The following PDZD7 variants were observed in gnomAD, a reference collection of about 807,000 sequenced individuals.
PDZD7 encodes the protein PDZ domain-containing protein 7.
In PDZD7, 72 loss-of-function variants were observed where a neutral mutation model predicts 84.7. The observed-to-expected ratio is 0.85, with a 90% confidence interval of 0.70 to 1.03. PDZD7 has a LOEUF of 1.03. Among genes scored for constraint, PDZD7 ranks in the 50% least tolerant of loss-of-function variants. The probability of loss-of-function intolerance (pLI) is 0.00; values close to 1 mark genes in which losing one functional copy is unlikely to be tolerated. For synonymous variants in PDZD7, 594 were observed against 580.7 expected (o/e 1.02, Z -0.33); for missense variants, 1,490 against 1,412.9 (o/e 1.05, Z -0.87).
chr10:101,010,120 C>T (rs1564822087), intron 15 of PDZD7, among the ~76,000 whole-genome samples, 152 bp downstream of exon 15: 1 of 152,222 alleles, frequency 6.6e-6, no homozygotes, highest in African/African-American at 2.4e-5. Flanking sequence ...GTCTTGACCT[C>T]CTGACCTCAA....
In PDZD7 at chr10:101,009,260, C is replaced by T; in HGVS notation, c.2708G>A (p.Gly903Glu). ...GCATGCTTCACCCACCTGCAGGGCC[C>T]CACTGAGGAAAGCGGCCCCCCCAGG... ...IFPGGAAFLS[G>E]ALQAGFELVA... Residue 903 changes from glycine (G) to glutamate (E), a missense_variant, in exon 16 of 17, where the codon GGG (glycine) becomes GAG (glutamate). Coordinates refer to ENST00000619208, the MANE Select transcript of PDZD7 (RefSeq NM_001195263.2). The T allele has an allele frequency of 6.5e-7, 1 of 1,535,808 alleles. No homozygotes were observed. Among genetic ancestry groups the T allele is most frequent in the Non-Finnish European group, 8.7e-7 (1 of 1,146,656 alleles).
intron 2 of PDZD7, among the ~76,000 whole-genome samples, chr10:101,027,460 G>C (rs1309176424): frequency 6.6e-6 from 1 of 152,146 alleles, no homozygotes; most frequent in African/African-American, 2.4e-5. Flanking sequence ...CTTCCTCCCA[G>C]TGAGTACCTC....
intron 16 of PDZD7, 148 bp from the exon 17 acceptor site, chr10:101,008,998 C>T: frequency 9.0e-7 from 1 of 1,112,010 alleles, no homozygotes. Flanking sequence ...ACTTTTGTGC[C>T]TGCAGTTGTT....
intron 15 of PDZD7, among the ~76,000 whole-genome samples, chr10:101,009,593 CAG>C (rs1358955058): frequency 2.1e-5 from 3 of 140,562 alleles, no homozygotes; most frequent in African/African-American, 7.7e-5. Context: ...TTTTTTGAGA[CAG>C]AGTCTTTTTT....
chr10:101,029,849 G>A, intron 2 of PDZD7, 145 bp downstream of exon 2: 1 of 808,996 alleles, frequency 1.2e-6, no homozygotes, highest in Non-Finnish European at 2.0e-6. Flanking sequence ...GAGTGTATGG[G>A]TTCCCAGGCG....
At position 101,030,032 on chromosome 10, in the gene PDZD7, G is replaced by A; in HGVS notation, c.188C>T (p.Pro63Leu). 1 of 1,613,812 alleles carries A rather than the reference G, an allele frequency of 6.2e-7. No individual in the cohort carries two copies. The highest frequency in any genetic ancestry group is 1.1e-5 in the South Asian group (1 of 91,068). Residue 63 changes from proline to leucine, a missense_variant, in exon 2 of 17, where the codon CCC becomes CTC. Pro to Leu is a moderately conservative substitution (Grantham distance 98). Coordinates refer to ENST00000619208, the MANE Select transcript of PDZD7 (RefSeq NM_001195263.2). ...GPPRGIRASS[P>L]MGRVILINSP... ...GTTGATGAGGATGACGCGTCCCATGGGCGATGAGGCTCGGATTCCGCGGGG... is the reference window on the plus strand; with the variant it reads ...GTTGATGAGGATGACGCGTCCCATGAGCGATGAGGCTCGGATTCCGCGGGG...
At position 101,023,566 on chromosome 10, in the gene PDZD7, C is replaced by T. The variant is rs1853251758; in HGVS notation, c.412G>A (p.Gly138Arg). 1.2e-6 allele frequency: 2 copies of T among 1,613,736 alleles called. No individual in the cohort carries two copies. The highest frequency in any genetic ancestry group is 1.3e-5 in the African/African-American group (1 of 74,918). The change falls in exon 4 of 17, where the codon GGG becomes AGG. Residue 138 changes from glycine (G) to arginine (R), a missense_variant. Physicochemically the swap from Gly to Arg is moderately radical, Grantham distance 125 (BLOSUM62 -2). Coordinates refer to ENST00000619208, the MANE Select transcript of PDZD7 (RefSeq NM_001195263.2). ...ATGGTGGTGCTCTCCAGGCTCAGCCCATTCACCTCCGTGATCTTGTCCCCC... is the reference window on the plus strand; with the variant it reads ...ATGGTGGTGCTCTCCAGGCTCAGCCTATTCACCTCCGTGATCTTGTCCCCC... ...CVGDKITEVN[G>R]LSLESTTMGS...
rs185340346 is a variant in PDZD7, at chr10:101,022,259, G to A, written c.669C>T (p.Gly223=). The A allele has an allele frequency of 3.1e-6, 5 of 1,614,222 alleles. No individual in the cohort carries two copies. In the African/African-American group the frequency reaches 5.3e-5, roughly 17 times the overall value. ...LYTTSDDFCL[G]FNIRGGKEFG... ...ACTCCTTGCCCCCACGGATGTTGAA[G>A]CCCAGGCAGAAGTCGTCGGAGGTTG... Residue 223 remains glycine (G), a synonymous_variant, in exon 5 of 17, where the codon GGC becomes GGT. Transcript: ENST00000619208.
At chr10:101,015,908 G>C (rs920799520) in intron 10 of PDZD7, 97 bp from the exon 11 acceptor site, 1 of 1,338,022 alleles carries the variant, frequency 7.5e-7, no homozygotes, top group Admixed American at 2.5e-5. Context: ...ACCTGGGGCA[G>C]AATCCTAGCC....
intron 6 of PDZD7, 21 bp downstream of exon 6, chr10:101,021,777 T>A (rs1853114269): frequency 1.9e-6 from 3 of 1,614,216 alleles, no homozygotes; most frequent in Non-Finnish European, 2.5e-6. Context: ...CACCTCTCCC[T>A]ACCCCCACTG....
intron 11 of PDZD7, 127 bp from the exon 12 acceptor site, chr10:101,012,385 A>C (rs1171691553): frequency 1.2e-6 from 1 of 805,964 alleles, no homozygotes; most frequent in East Asian, 2.7e-5. Context: ...GTGCCTTGGG[A>C]AAGGTTCACT....
Position 101,015,787 on chromosome 10 carries a change from A to G in PDZD7, c.1598T>C (p.Leu533Pro). Residue 533 changes from leucine (L) to proline (P), a missense_variant, in exon 11 of 17, where the codon CTG (leucine) becomes CCG (proline). Leu to Pro is a moderately conservative substitution (Grantham distance 98). Transcript: ENST00000619208. Reference sequence around the variant, plus strand: ...GGAGGGACTCCCAGACCTGGCAGACAGCAGGGCCCGGCCCCTCTCCTGGTC... The same window carrying G: ...GGAGGGACTCCCAGACCTGGCAGACGGCAGGGCCCGGCCCCTCTCCTGGTC... ...RRDQERGRALLSARSGSPSSQ... is the reference protein window; with the variant it reads ...RRDQERGRALPSARSGSPSSQ... 6.5e-7 allele frequency: 1 copy of G among 1,549,302 alleles called. No individual in the cohort carries two copies. The highest frequency in any genetic ancestry group is 8.7e-7 in the Non-Finnish European group (1 of 1,146,750).
In PDZD7 at chr10:101,010,357, A is replaced by T; in HGVS notation, c.2532T>A (p.Thr844=). Residue 844 remains threonine (T), a synonymous_variant, in exon 15 of 17, where the codon ACT becomes ACA. Coordinates refer to ENST00000619208, the MANE Select transcript of PDZD7 (RefSeq NM_001195263.2). ...GAKQGPSESG[T]EGTAKEAAMK... ...TGGCTGCCTCCTTGGCCGTCCCCTC[A>T]GTTCCACTCTCCGAGGGCCCTTGCT... is the stretch of plus-strand genomic sequence containing the variant. 1 of 1,535,494 alleles carries T rather than the reference A, an allele frequency of 6.5e-7. No individual in the cohort carries two copies. The highest frequency in any genetic ancestry group is 8.7e-7 in the Non-Finnish European group (1 of 1,146,370).
intron 2 of PDZD7, among the ~76,000 whole-genome samples, chr10:101,027,720 T>A (rs887765501): frequency 6.6e-6 from 1 of 152,340 alleles, no homozygotes; most frequent in South Asian, 2.1e-4. Flanking sequence ...GTCGTTCGCT[T>A]ATTTGTGATT....
intron 9 of PDZD7, among the ~76,000 whole-genome samples, chr10:101,017,000 C>A (rs544092227): frequency 1.3e-5 from 2 of 152,286 alleles, no homozygotes; most frequent in East Asian, 3.9e-4. Flanking sequence ...CATCCACCCC[C>A]CTCTTCTGAA....
rs931181562 is a variant in PDZD7 at position 101,015,668 on chromosome 10, C to T, written c.1717G>A (p.Glu573Lys). 5.2e-6 allele frequency: 8 copies of T among 1,550,412 alleles called. No individual in the cohort carries two copies. The highest frequency in any genetic ancestry group is 2.4e-5 in the East Asian group (1 of 40,918). Residue 573 changes from glutamate (E) to lysine (K), a missense_variant, in exon 11 of 17, where the codon GAG (glutamate) becomes AAG (lysine). Glu to Lys is a moderately conservative substitution (Grantham distance 56). Coordinates refer to ENST00000619208, the MANE Select transcript of PDZD7 (RefSeq NM_001195263.2). ...DLAQRLLTDD[E>K]VLAVTRHCSR... ...CAGTGGCGGGTGACAGCCAGCACCT[C>T]GTCATCAGTCAGCAGCCTCTGGGCC...
rs3740496 is a variant in PDZD7, at chr10:101,023,388, G to C, written c.542+48C>G. 188,765 of 1,610,936 alleles carry C rather than the reference G, an allele frequency of 0.12. 16,193 individuals are homozygous for C. The highest frequency in any genetic ancestry group is 0.46 in the African/African-American group (34,115 of 74,800). On this transcript the variant is annotated intron_variant, in intron 4 of 16. Coordinates refer to ENST00000619208, the MANE Select transcript of PDZD7 (RefSeq NM_001195263.2). ...GGGTTTTGGGTGTTGGTAGGGTTGG[G>C]GTGGGCTGGGGCAAGGCCAGGGCTA...
chr10:101,028,416 T>C (rs1318167349), intron 2 of PDZD7, among the ~76,000 whole-genome samples: 1 of 152,082 alleles, frequency 6.6e-6, no homozygotes, highest in African/African-American at 2.4e-5. Flanking sequence ...GGTGAAACTC[T>C]GTCTCTACAA....
rs1347404754 is a variant in PDZD7 at position 101,008,470 on chromosome 10, T to G, written c.3099A>C (p.Pro1033=). Residue 1033 remains proline (P), a synonymous_variant, in exon 17 of 17, where the codon CCA becomes CCC. Coordinates refer to ENST00000619208, the MANE Select transcript of PDZD7 (RefSeq NM_001195263.2). ...DSKPAPSPRI[P] is the part of the protein sequence containing the mutation. ...GAATCTGAGGTTAGGGGGAGGGTCATGGGATGCGTGGGGAGGGTGCGGGCT... is the reference window on the plus strand; with the variant it reads ...GAATCTGAGGTTAGGGGGAGGGTCAGGGGATGCGTGGGGAGGGTGCGGGCT... 1.4e-6 allele frequency: 2 copies of G among 1,472,834 alleles called. No homozygotes were observed. Among genetic ancestry groups the G allele is most frequent in the South Asian group, 1.3e-5 (1 of 78,316 alleles). The allele number at this position is 1,472,834 out of a possible 1,614,324, so 91.2% of individuals were successfully genotyped here.
Sources: gnomAD v4.1 joint callset for allele counts (sites outside exome capture counted in the v4.1 genomes callset) on GRCh38, gnomAD v4.1.1 for gene constraint, MANE v1.5 for transcripts, NCBI Gene and HGNC (gene_info 2026-07-23, HGNC 2026-07-21) for gene names.